Variants in ARG2 observed in about 807,000 individuals in gnomAD.
ARG2 encodes the protein arginase 2, also known as arginase-2, mitochondrial.
A neutral mutation model predicts 39.4 loss-of-function variants in ARG2; 21 were observed. The observed-to-expected ratio is 0.53, with a 90% CI of 0.38 to 0.77. The LOEUF is 0.77. Ranked by LOEUF, ARG2 falls within the 30% of genes least tolerant of loss-of-function variation. The pLI, the probability that ARG2 is intolerant of heterozygous loss-of-function variation, is 0.00. For missense variants in ARG2, 378 were observed against 426.2 expected, an observed-to-expected ratio of 0.89 and a Z score of 1.00; for synonymous variants, 150 against 156.7, an observed-to-expected ratio of 0.96 and a Z score of 0.32.
chr14:67,638,782 A>C (rs1051464171), intron 2 of ARG2, among the ~76,000 whole-genome samples: 2 of 152,238 alleles, frequency 1.3e-5, no homozygotes, highest in African/African-American at 4.8e-5. Context: ...TGCTGAGTGC[A>C]TAGCTCATCA....
chr14:67,624,960 A>ATT (rs2036847777), intron 2 of ARG2, among the ~76,000 whole-genome samples: 1 of 152,190 alleles, frequency 6.6e-6, no homozygotes, highest in Non-Finnish European at 1.5e-5. Flanking sequence ...CAGTGAAACC[A>ATT]GGAGGCTGGC....
chr14:67,633,041 C>T (rs1365568700), intron 2 of ARG2, among the ~76,000 whole-genome samples: 8 of 151,664 alleles, frequency 5.3e-5, no homozygotes, highest in Non-Finnish European at 1.0e-4. Flanking sequence ...AGGATGGTCT[C>T]GATCTCCTGA....
chr14:67,639,033 G>C (rs1348250405), intron 2 of ARG2, among the ~76,000 whole-genome samples: 1 of 150,290 alleles, frequency 6.7e-6, no homozygotes, highest in Non-Finnish European at 1.5e-5. Flanking sequence ...ATGAACCCCC[G>C]ACAGAAGTTA....
At chr14:67,626,982 T>C (rs1253212245) in intron 2 of ARG2, among the ~76,000 whole-genome samples, 2 of 152,130 alleles carry the variant, frequency 1.3e-5, no homozygotes, top group Admixed American at 6.5e-5. Context: ...CCACATGTTA[T>C]ATGATTCCAT....
At chr14:67,650,317 C>G in intron 7 of ARG2, 1 of 245,334 alleles carries the variant, frequency 4.1e-6, no homozygotes, top group Non-Finnish European at 8.0e-6. Context: ...TGCCTTCATA[C>G]TTGATTCATT....
rs1194410623 is a variant in ARG2, at chr14:67,647,022, G to T, written c.719G>T (p.Gly240Val). The change falls in exon 6 of 8, where the codon GGC becomes GTC. Residue 240 changes from glycine to valine, a missense_variant. Coordinates refer to ENST00000261783, the MANE Select transcript of ARG2 (RefSeq NM_001172.4). ...GAACGAACATTTGATCTGCTGATTG[G>T]CAAGTAAGTAACTATAACTGATGTC... ...VMERTFDLLI[G>V]KRQRPIHLSF... 3.1e-6 allele frequency: 5 copies of T among 1,602,630 alleles called. No homozygotes were observed. Among genetic ancestry groups the T allele is most frequent in the Middle Eastern group, 1.6e-4 (1 of 6,068 alleles).
intron 2 of ARG2, among the ~76,000 whole-genome samples, chr14:67,638,303 T>A (rs1325286842): frequency 1.3e-5 from 2 of 151,980 alleles, no homozygotes; most frequent in Non-Finnish European, 2.9e-5. Context: ...ATGGGAGCAT[T>A]ACTTGAGCCC....
At position 67,642,267 on chromosome 14, in the gene ARG2, C is replaced by T. The variant is rs1185107401; in HGVS notation, c.266C>T (p.Pro89Leu). The T allele has an allele frequency of 4.3e-6, 7 of 1,614,062 alleles. No individual in the cohort carries two copies. The highest frequency in any genetic ancestry group is 5.9e-6 in the Non-Finnish European group (7 of 1,180,004). Residue 89 changes from proline to leucine, a missense_variant, in exon 3 of 8, where the codon CCA (proline) becomes CTA (leucine). Transcript: ENST00000261783. ...CTCTACAACAACCTGATAGTGAATC[C>T]ACGCTCAGTGGGTCTTGCCAACCAG... The part of the protein sequence containing the change: ...DDLYNNLIVN[P>L]RSVGLANQEL...
chr14:67,648,300 A>G, intron 7 of ARG2, 117 bp downstream of exon 7: 1 of 1,216,640 alleles, frequency 8.2e-7, no homozygotes, highest in East Asian at 2.5e-5. Flanking sequence ...TTTTTGCTTA[A>G]ACTTTTGTAG....
At chr14:67,634,855 G>T (rs2036954841) in intron 2 of ARG2, among the ~76,000 whole-genome samples, 1 of 152,166 alleles carries the variant, frequency 6.6e-6, no homozygotes, top group South Asian at 2.1e-4. Context: ...CTCTATTAAT[G>T]ACCAAACCTT....
chr14:67,639,115 T>G (rs1251184832), intron 2 of ARG2, among the ~76,000 whole-genome samples: 1 of 152,218 alleles, frequency 6.6e-6, no homozygotes, highest in Non-Finnish European at 1.5e-5. Flanking sequence ...TTCTATGAAA[T>G]TCAGTCTCTC....
rs1289288575 is a variant in ARG2, at chr14:67,623,627, C to T, written c.184+2661C>T. On this transcript the variant is annotated intron_variant, in intron 2 of 7. Transcript: ENST00000261783. ...TGCGATCTTGGCTCACTGCAACCTC[C>T]GCCTCCCGGGTTCAAGCAATTCTCC... Among the ~76,000 whole-genome samples the T allele has an allele frequency of 4.0e-5, 6 of 149,934 alleles. No individual in the cohort carries two copies. In the East Asian group the frequency reaches 9.7e-4, roughly 24 times the overall value.
At position 67,651,686 on chromosome 14, in the gene ARG2, CAAT is replaced by C; in HGVS notation, c.*769_*771del. Reference sequence around the variant, plus strand: ...ACCTCACAGAAATGTTAAACTGAGACAATAAAAACCAAAGCATAAAAATGGATT... The same window carrying C: ...ACCTCACAGAAATGTTAAACTGAGACAAAAACCAAAGCATAAAAATGGATT... On this transcript the variant is annotated 3_prime_UTR_variant, in exon 8 of 8. Coordinates refer to ENST00000261783, the MANE Select transcript of ARG2 (RefSeq NM_001172.4). 2.4e-6 allele frequency: 1 copy of C among 420,962 alleles called. No individual in the cohort carries two copies. The allele number at this position is 420,962 out of a possible 1,614,324, so 26.1% of individuals were successfully genotyped here.
intron 2 of ARG2, among the ~76,000 whole-genome samples, chr14:67,623,249 G>C (rs182474060): frequency 6.6e-6 from 1 of 152,162 alleles, no homozygotes; most frequent in African/African-American, 2.4e-5. Flanking sequence ...AGTACCAAGA[G>C]ACATTTCAGT....
chr14:67,646,211 A>G (rs2037096850), intron 4 of ARG2, among the ~76,000 whole-genome samples: 1 of 152,190 alleles, frequency 6.6e-6, no homozygotes, highest in Non-Finnish European at 1.5e-5. Context: ...CCCCTCAGTG[A>G]GGGACCAAGT....
intron 2 of ARG2, among the ~76,000 whole-genome samples, chr14:67,637,667 C>T (rs2036987275): frequency 6.6e-6 from 1 of 152,110 alleles, no homozygotes; most frequent in Non-Finnish European, 1.5e-5. Context: ...GGAGAAAGCT[C>T]TTAAGAGGTG....
In ARG2 at chr14:67,642,139, G is replaced by A. The variant is rs113511507; in HGVS notation, c.185-47G>A. ...TTGTGGCCCAGGCTAGTTAAGAGTT[G>A]GAGATAGCACAGAAAATTCATCTTG... On this transcript the variant is annotated intron_variant, in intron 2 of 7. Coordinates refer to ENST00000261783, the MANE Select transcript of ARG2 (RefSeq NM_001172.4). 140 of 1,581,522 alleles carry A rather than the reference G, an allele frequency of 8.9e-5. 1 individual carries two copies. The African/African-American group carries it at 1.4e-3, about 15-fold the overall frequency.
Position 67,620,974 on chromosome 14 carries a change from G to T in ARG2, c.184+8G>T. Reference sequence around the variant, plus strand: ...AAAGGCTCTCCAGTTTGGGTAAGTGGTTAGATTTTTAGATATTAGTGCAGG... The same window carrying T: ...AAAGGCTCTCCAGTTTGGGTAAGTGTTTAGATTTTTAGATATTAGTGCAGG... On this transcript the variant is annotated splice_region_variant and intron_variant, in intron 2 of 7. Coordinates refer to ENST00000261783, the MANE Select transcript of ARG2 (RefSeq NM_001172.4). 1 of 1,613,930 alleles carries T rather than the reference G, an allele frequency of 6.2e-7. No homozygotes were observed.
intron 7 of ARG2, chr14:67,650,475 G>C: frequency 1.9e-6 from 1 of 535,190 alleles, no homozygotes; most frequent in South Asian, 2.3e-5. Flanking sequence ...TAGTTGAACA[G>C]GGATGGTTTA....
Sources: allele counts gnomAD v4.1 joint callset (sites outside exome capture counted in the v4.1 genomes callset), GRCh38; gene constraint gnomAD v4.1.1; transcripts MANE v1.5; gene names NCBI Gene and HGNC (gene_info 2026-07-23, HGNC 2026-07-21).